Variants in PTPRM observed in about 807,000 individuals in gnomAD.
PTPRM encodes receptor-type tyrosine-protein phosphatase mu.
Under a neutral mutation model 186.7 loss-of-function variants are expected in PTPRM, and 47 were observed. The ratio of observed to expected loss-of-function variants is 0.25; its 90% CI spans 0.20 to 0.32. PTPRM has a LOEUF of 0.32. PTPRM is among the 10% of genes least tolerant of loss of function. The pLI is 1.00. For missense variants in PTPRM, 1,494 were observed against 1,865.0 expected (o/e 0.80, Z 3.66); for synonymous variants, 668 against 674.9 (o/e 0.99, Z 0.16).
In PTPRM at chr18:8,253,316, A is replaced by G. The variant is rs755265443; in HGVS notation, c.2656A>G (p.Thr886Ala). 8 of 1,599,458 alleles carry G rather than the reference A, an allele frequency of 5.0e-6. No homozygotes were observed. The East Asian group carries it at 1.8e-4, about 37-fold the overall frequency. The stretch of plus-strand genomic sequence containing the variant: ...AGAGCCGGCCGACGTGCCCTATCAG[A>G]CTGGGCAGCTCCACCCCGCCATCCG... ...KREPADVPYQTGQLHPAIRVA... is the reference protein window; with the variant it reads ...KREPADVPYQAGQLHPAIRVA... The change falls in exon 19 of 33, where the codon ACT (threonine) becomes GCT (alanine). Residue 886 changes from threonine (T) to alanine (A), a missense_variant. Around this residue, in one of 3 missense-constraint regions of PTPRM, gnomAD observed 1,107 missense variants for 1,350.2 expected, o/e 0.82. Coordinates refer to ENST00000580170, the MANE Select transcript of PTPRM (RefSeq NM_001105244.2).
intron 2 of PTPRM, among the ~76,000 whole-genome samples, chr18:7,827,837 C>T (rs1264355140): frequency 6.6e-6 from 1 of 152,202 alleles, no homozygotes; most frequent in African/African-American, 2.4e-5. Flanking sequence ...ATGGTTTTCT[C>T]ACAACTGTGG....
intron 2 of PTPRM, among the ~76,000 whole-genome samples, chr18:7,821,878 T>A (rs1433158660): frequency 6.6e-6 from 1 of 152,176 alleles, no homozygotes; most frequent in Non-Finnish European, 1.5e-5. Flanking sequence ...TGAGATTTCA[T>A]CACACTGCTT....
chr18:8,119,661 A>C (rs2092097214), intron 13 of PTPRM, among the ~76,000 whole-genome samples: 1 of 152,216 alleles, frequency 6.6e-6, no homozygotes, highest in South Asian at 2.1e-4. Flanking sequence ...ATCCGGAAAA[A>C]CCCTATGCTT....
chr18:7,882,149 G>A (rs944149825), intron 2 of PTPRM, among the ~76,000 whole-genome samples: 3 of 152,128 alleles, frequency 2.0e-5, no homozygotes, highest in African/African-American at 7.2e-5. Flanking sequence ...GAAACTGAGA[G>A]CAAGTCTTTA....
Position 8,379,147 on chromosome 18 carries a change from T to G in PTPRM, c.3613-20T>G. The G allele has an allele frequency of 6.4e-7, 1 of 1,562,660 alleles. No homozygotes were observed. Among genetic ancestry groups the G allele is most frequent in the East Asian group, 2.3e-5 (1 of 43,058 alleles). ...CTGCCAAGGCTTCTTGTCCTCATGT[T>G]CCTTTCTTTTCTCACGCAGACGCTA... On this transcript the variant is annotated intron_variant, in intron 27 of 32. Transcript: ENST00000580170.
At chr18:7,769,615 T>C (rs2042180364) in intron 1 of PTPRM, among the ~76,000 whole-genome samples, 1 of 152,196 alleles carries the variant, frequency 6.6e-6, no homozygotes, top group Non-Finnish European at 1.5e-5. Flanking sequence ...ACATTTCTAG[T>C]GTCCTTTTCT....
intron 20 of PTPRM, among the ~76,000 whole-genome samples, chr18:8,312,058 A>G (rs1391305783): frequency 6.6e-6 from 1 of 152,186 alleles, no homozygotes; most frequent in Admixed American, 6.5e-5. Context: ...AAACCTGCCC[A>G]GGGAAAGCCT....
intron 7 of PTPRM, among the ~76,000 whole-genome samples, chr18:8,036,205 TG>T (rs2086319970): frequency 6.6e-6 from 1 of 152,238 alleles, no homozygotes; most frequent in Non-Finnish European, 1.5e-5. Context: ...TTATTGTGTT[TG>T]GTTTCAAAGT....
chr18:8,081,347 G>C (rs1158395847), intron 9 of PTPRM, among the ~76,000 whole-genome samples: 1 of 152,094 alleles, frequency 6.6e-6, no homozygotes, highest in Non-Finnish European at 1.5e-5. Context: ...CTTTTGACAT[G>C]GCACCTCCCA....
chr18:8,270,118 G>A (rs1290639194), intron 19 of PTPRM: 2 of 151,676 alleles, frequency 1.3e-5, no homozygotes, highest in African/African-American at 4.8e-5. Flanking sequence ...GTACAGCAAA[G>A]GAAACAATCA....
rs1190228421 is a variant in PTPRM at position 7,568,188 on chromosome 18, C to T, written c.73+297C>T. ...GCCTGGGCTAGTGCTCAAGGTTGGG[C>T]GGCTTGCACTCTTGAGTCCCTGGCC... On this transcript the variant is annotated intron_variant, in intron 1 of 32. Transcript: ENST00000580170. The surrounding 1 kb of genome is among the most constrained non-coding windows in gnomAD (Gnocchi z 5.1). Among the ~76,000 whole-genome samples, 3 of 151,996 alleles carry T rather than the reference C, an allele frequency of 2.0e-5. No individual in the cohort carries two copies. In the East Asian group the frequency reaches 5.8e-4, roughly 29 times the overall value.
intron 7 of PTPRM, among the ~76,000 whole-genome samples, chr18:7,988,383 A>C (rs1357846082): frequency 2.0e-5 from 3 of 152,174 alleles, no homozygotes; most frequent in Non-Finnish European, 4.4e-5. Context: ...AGGGCTTTAA[A>C]ATTTTTTATT....
chr18:8,280,879 GC>G, intron 19 of PTPRM, among the ~76,000 whole-genome samples: 1 of 152,220 alleles, frequency 6.6e-6, no homozygotes, highest in East Asian at 1.9e-4. Flanking sequence ...GGGGATGCAG[GC>G]CCCCTCTTCA....
intron 14 of PTPRM, among the ~76,000 whole-genome samples, chr18:8,179,676 G>A (rs1302201725): frequency 1.3e-5 from 2 of 151,842 alleles, no homozygotes; most frequent in African/African-American, 4.8e-5. Flanking sequence ...CACCATGTTG[G>A]CCAGGATGGT....
intron 14 of PTPRM, among the ~76,000 whole-genome samples, chr18:8,170,821 T>C (rs554331371): frequency 6.6e-6 from 1 of 152,314 alleles, no homozygotes; most frequent in African/African-American, 2.4e-5. Context: ...GGTGACTGGC[T>C]TCTATTACTT....
chr18:8,076,996 G>A (rs1399848181), intron 9 of PTPRM, among the ~76,000 whole-genome samples: 1 of 152,080 alleles, frequency 6.6e-6, no homozygotes, highest in Non-Finnish European at 1.5e-5. Context: ...ACTAACAATA[G>A]AATAATATCT....
chr18:8,309,446 A>G (rs1339336957), intron 20 of PTPRM, among the ~76,000 whole-genome samples: 1 of 152,106 alleles, frequency 6.6e-6, no homozygotes, highest in Non-Finnish European at 1.5e-5. Context: ...ATATATATTT[A>G]TACTATTATT....
At chr18:8,237,431 A>ATTTTTTTTTTTTT (rs59073560) in intron 14 of PTPRM, among the ~76,000 whole-genome samples, 1 of 71,666 alleles carries the variant, frequency 1.4e-5, no homozygotes, top group African/African-American at 5.0e-5. Context: ...GATTCCCTCA[A>ATTTTTTTTTTTTT]TTTTTTTTTT....
intron 2 of PTPRM, among the ~76,000 whole-genome samples, chr18:7,854,494 C>A (rs1445445214): frequency 6.6e-6 from 1 of 152,110 alleles, no homozygotes; most frequent in African/African-American, 2.4e-5. Context: ...CTTGAAACTC[C>A]ATTACAGATG....
Sources: allele counts gnomAD v4.1 joint callset (sites outside exome capture counted in the v4.1 genomes callset), GRCh38; gene constraint gnomAD v4.1.1; regional missense constraint gnomAD v4.1.1; non-coding constraint Gnocchi (gnomAD v3.1); transcripts MANE v1.5; gene names NCBI Gene and HGNC (gene_info 2026-07-23, HGNC 2026-07-21).